Variants in GORASP2 observed in about 807,000 individuals in gnomAD.
The protein encoded by GORASP2 is golgi reassembly stacking protein 2.
In GORASP2, 22 loss-of-function variants were observed where a neutral mutation model predicts 45.7. The ratio of observed to expected loss-of-function variants is 0.48; its 90% confidence interval spans 0.34 to 0.69. GORASP2 has a LOEUF of 0.69. Ranked by LOEUF, GORASP2 falls within the 30% of genes least tolerant of loss-of-function variation. The pLI is 0.01. For synonymous variants in GORASP2, 221 were observed against 215.6 expected, an observed-to-expected ratio of 1.02 and a Z score of -0.22; for missense variants, 491 against 562.7, an observed-to-expected ratio of 0.87 and a Z score of 1.29.
In GORASP2 at chr2:170,929,310, C is replaced by A. The variant is rs997559261; in HGVS notation, c.-31C>A. The A allele has an allele frequency of 7.5e-7, 1 of 1,340,848 alleles. No homozygotes were observed. The highest frequency in any genetic ancestry group is 9.6e-7 in the Non-Finnish European group (1 of 1,047,050). 83.1% of individuals were successfully genotyped at this position (1,340,848 alleles called of 1,614,324 possible). ...CGCTGGGGGCGGGAGCAGCGCGGAG[C>A]CCGGCTCGGCCACACCGATCGCCCG... On this transcript the variant is annotated 5_prime_UTR_variant, in exon 1 of 10. Transcript: ENST00000234160.
At chr2:170,954,608 G>T in intron 5 of GORASP2, 42 bp from the exon 6 acceptor site, 7 of 1,458,452 alleles carry the variant, frequency 4.8e-6, no homozygotes, top group Non-Finnish European at 4.7e-6. Flanking sequence ...AGAAATACAA[G>T]CTGTGATAGA....
intron 1 of GORASP2, among the ~76,000 whole-genome samples, chr2:170,947,462 T>A (rs950249625): frequency 6.6e-6 from 1 of 152,236 alleles, no homozygotes; most frequent in East Asian, 1.9e-4. Flanking sequence ...TTATCACTTT[T>A]TATGTCTGAA....
At chr2:170,944,208 T>C (rs1329403994) in intron 1 of GORASP2, among the ~76,000 whole-genome samples, 1 of 152,204 alleles carries the variant, frequency 6.6e-6, no homozygotes, top group Non-Finnish European at 1.5e-5. Context: ...TGTCAGTGGA[T>C]AACATTGCAA....
chr2:170,941,800 A>C (rs774116760), intron 1 of GORASP2, among the ~76,000 whole-genome samples: 1 of 152,146 alleles, frequency 6.6e-6, no homozygotes, highest in Non-Finnish European at 1.5e-5. Flanking sequence ...GGCTTTTATA[A>C]ATAGTGCTAC....
chr2:170,953,754 A>G (rs1178807188), intron 5 of GORASP2: 1 of 152,256 alleles, frequency 6.6e-6, no homozygotes, highest in Non-Finnish European at 1.5e-5. Context: ...CCAGATGTAG[A>G]AAGGACAGGA....
upstream of GORASP2, chr2:170,929,170 C>T: frequency 2.2e-6 from 1 of 459,498 alleles, no homozygotes; most frequent in Non-Finnish European, 3.6e-6. Context: ...TCTGCGGCGT[C>T]GCAGCGGCCC....
At chr2:170,955,266 G>A (rs559621165) in intron 6 of GORASP2, among the ~76,000 whole-genome samples, 3 of 152,196 alleles carry the variant, frequency 2.0e-5, no homozygotes, top group African/African-American at 7.2e-5. Flanking sequence ...CTTGCCAGGG[G>A]ACAAACAAAC....
At chr2:170,946,560 A>G (rs1704185454) in intron 1 of GORASP2, among the ~76,000 whole-genome samples, 1 of 152,078 alleles carries the variant, frequency 6.6e-6, no homozygotes, top group South Asian at 2.1e-4. Context: ...ATTAAAAGTA[A>G]TCTCACTCTT....
At chr2:170,950,949 T>C (rs1358033777) in intron 4 of GORASP2, among the ~76,000 whole-genome samples, 1 of 151,716 alleles carries the variant, frequency 6.6e-6, no homozygotes, top group Non-Finnish European at 1.5e-5. Context: ...GCCACTGCAC[T>C]CTAGCCCAGG....
intron 4 of GORASP2, 71 bp from the exon 5 acceptor site, chr2:170,951,257 T>C (rs1704292461): frequency 5.8e-6 from 7 of 1,209,250 alleles, no homozygotes; most frequent in Admixed American, 2.6e-5. Context: ...GTGATTCTGA[T>C]AGCCAGGTTT....
At chr2:170,935,485 C>T (rs1288688863) in intron 1 of GORASP2, among the ~76,000 whole-genome samples, 1 of 151,954 alleles carries the variant, frequency 6.6e-6, no homozygotes, top group Non-Finnish European at 1.5e-5. Context: ...GAACTTCAGA[C>T]CTCAAGTCAT....
In GORASP2 at chr2:170,956,055, T is replaced by A. The variant is rs183901124; in HGVS notation, c.700-381T>A. On this transcript the variant is annotated intron_variant, in intron 6 of 9. Transcript: ENST00000234160. ...GATTTCTTTCCTGAGCAATGAAAGT[T>A]AAAACAAATAAACCAGCTGGGAATT... 9.8e-5 allele frequency among the ~76,000 whole-genome samples: 15 copies of A among 152,312 alleles called. No homozygotes were observed. The East Asian group carries it at 2.3e-3, about 23-fold the overall frequency.
chr2:170,948,261 T>C, intron 1 of GORASP2, 89 bp from the exon 2 acceptor site: 1 of 751,524 alleles, frequency 1.3e-6, no homozygotes, highest in South Asian at 1.5e-5. Context: ...ATCAGTGAAA[T>C]TGGTCTATTT....
intron 1 of GORASP2, among the ~76,000 whole-genome samples, chr2:170,932,802 C>G (rs571735654): frequency 6.6e-6 from 1 of 152,126 alleles, no homozygotes; most frequent in Non-Finnish European, 1.5e-5. Flanking sequence ...AATAATATGA[C>G]GTATTCAAGG....
intron 1 of GORASP2, chr2:170,929,716 C>T (rs1012386078): frequency 3.4e-6 from 2 of 588,784 alleles, no homozygotes; most frequent in Admixed American, 2.2e-5. Flanking sequence ...GGCCTTCTCT[C>T]TCCTCCACCC....
chr2:170,957,423 C>T (rs749645889), intron 7 of GORASP2, among the ~76,000 whole-genome samples: 1 of 152,136 alleles, frequency 6.6e-6, no homozygotes, highest in Non-Finnish European at 1.5e-5. Context: ...ATTACAGGCA[C>T]GTGCCACCAT....
chr2:170,942,848 C>T (rs2105316557), intron 1 of GORASP2, among the ~76,000 whole-genome samples: 1 of 152,292 alleles, frequency 6.6e-6, no homozygotes, highest in South Asian at 2.1e-4. Context: ...GTTCCATTTT[C>T]TCCACATCCT....
chr2:170,953,717 C>G (rs1159227360), intron 5 of GORASP2: 2 of 152,188 alleles, frequency 1.3e-5, no homozygotes, highest in Admixed American at 1.3e-4. Flanking sequence ...TGGATTAGCT[C>G]ATATAATCAA....
chr2:170,952,161 G>A (rs1704314008), intron 5 of GORASP2, among the ~76,000 whole-genome samples: 1 of 152,210 alleles, frequency 6.6e-6, no homozygotes, highest in African/African-American at 2.4e-5. Flanking sequence ...CTAGTTAGAA[G>A]AATACTCAGG....
Sources: allele counts gnomAD v4.1 joint callset (sites outside exome capture counted in the v4.1 genomes callset), GRCh38; gene constraint gnomAD v4.1.1; transcripts MANE v1.5; gene names NCBI Gene and HGNC (gene_info 2026-07-23, HGNC 2026-07-21).